Variants in EMC10 observed in about 807,000 individuals in gnomAD.
The protein encoded by EMC10 is ER membrane protein complex subunit 10, also known as UPF0510 protein INM02.
Under a neutral mutation model 32.2 loss-of-function variants are expected in EMC10, and 40 were observed. The observed-to-expected ratio is 1.24, with a 90% CI of 0.96 to 1.61. The LOEUF (loss-of-function observed/expected upper bound fraction) is 1.61. Ranked by LOEUF, EMC10 falls within the 40% of genes most tolerant of loss-of-function variation. The probability of loss-of-function intolerance (pLI) is 0.00; values close to 1 mark genes in which losing one functional copy is unlikely to be tolerated. For missense variants in EMC10, 402 were observed against 357.7 expected (o/e 1.12, Z -1.00); for synonymous variants, 178 against 158.4 (o/e 1.12, Z -0.93).
rs1002565223 is a variant in EMC10, at chr19:50,480,455, G to A, written c.403-126G>A. ...GGGGGCGGTTGAACTTGGGCCTGAG[G>A]GTAACAGGGAGCCATGGGAAGGTTT... On this transcript the variant is annotated intron_variant, in intron 4 of 6. Coordinates refer to ENST00000334976, the MANE Select transcript of EMC10 (RefSeq NM_206538.4). This position sits in a 1 kb window ranked among gnomAD's most constrained non-coding sequence, Gnocchi z 4.4. 9 of 1,215,602 alleles carry A rather than the reference G, an allele frequency of 7.4e-6. No individual in the cohort carries two copies. Among genetic ancestry groups the A allele is most frequent in the Non-Finnish European group, 8.0e-6 (7 of 875,760 alleles). 75.3% of individuals were successfully genotyped at this position (1,215,602 alleles called of 1,614,324 possible). A position where few individuals can be genotyped will look rare whatever the true frequency, so the allele number is the denominator to read the frequency against.
Position 50,480,828 on chromosome 19 carries a change from T to A in EMC10, c.585-56T>A. 1 of 1,564,206 alleles carries A rather than the reference T, an allele frequency of 6.4e-7. No individual in the cohort carries two copies. Among genetic ancestry groups the A allele is most frequent in the Non-Finnish European group, 8.7e-7 (1 of 1,151,380 alleles). On this transcript the variant is annotated intron_variant, in intron 5 of 6. Coordinates refer to ENST00000334976, the MANE Select transcript of EMC10 (RefSeq NM_206538.4). This position sits in a 1 kb window ranked among gnomAD's most constrained non-coding sequence, Gnocchi z 4.4. ...CCGGCCCTTCCTGGCGGCCTCAGGG[T>A]CTCCAGGTCCCTGGACTCCGGGCCT...
At position 50,480,953 on chromosome 19, in the gene EMC10, G is replaced by A. The variant is rs956585274; in HGVS notation, c.654G>A (p.Glu218=). The change falls in exon 6 of 7, where the codon GAG becomes GAA. Residue 218 remains glutamate, a synonymous_variant. Transcript: ENST00000334976. The surrounding 1 kb of genome is among the most constrained non-coding windows in gnomAD (Gnocchi z 4.4). Reference sequence around the variant, plus strand: ...CCCAGAAGGCCAAGAACCCCCAGGAGCAGAAGTCCTTCTTCGCCAAATACG... The same window carrying A: ...CCCAGAAGGCCAAGAACCCCCAGGAACAGAAGTCCTTCTTCGCCAAATACG... ...EQAQKAKNPQ[E]QKSFFAKYWM... The A allele has an allele frequency of 1.2e-6, 2 of 1,612,396 alleles. No homozygotes were observed. Among genetic ancestry groups the A allele is most frequent in the Non-Finnish European group, 1.7e-6 (2 of 1,178,866 alleles).
chr19:50,482,995 G>A lies in EMC10; in HGVS notation c.*736G>A, dbSNP rs940874964. 5.1e-6 allele frequency: 3 copies of A among 591,720 alleles called. No homozygotes were observed. The highest frequency in any genetic ancestry group is 1.9e-5 in the African/African-American group (1 of 53,930). 36.7% of individuals were successfully genotyped at this position (591,720 alleles called of 1,614,324 possible). ...CAACAGTTAGTGGAGTCAAAGCCCA[G>A]ACACTGTAAATAGAACCCCCTCCAC... On this transcript the variant is annotated 3_prime_UTR_variant, in exon 7 of 7. Coordinates refer to ENST00000334976, the MANE Select transcript of EMC10 (RefSeq NM_206538.4).
At position 50,483,164 on chromosome 19, in the gene EMC10, T is replaced by A. The variant is rs1305895739; in HGVS notation, c.*905T>A. 1 of 457,582 alleles carries A rather than the reference T, an allele frequency of 2.2e-6. No homozygotes were observed. Among genetic ancestry groups the A allele is most frequent in the Non-Finnish European group, 4.4e-6 (1 of 228,130 alleles). 28.3% of individuals were successfully genotyped at this position (457,582 alleles called of 1,614,324 possible). ...GTGAACGTTTTGAAAAGCTACAGCTTCCAGCAGCCAAAAGCAACTGTTGTT... is the reference window on the plus strand; with the variant it reads ...GTGAACGTTTTGAAAAGCTACAGCTACCAGCAGCCAAAAGCAACTGTTGTT... On this transcript the variant is annotated 3_prime_UTR_variant, in exon 7 of 7. Coordinates refer to ENST00000334976, the MANE Select transcript of EMC10 (RefSeq NM_206538.4).
chr19:50,480,570 T>TC lies in EMC10; in HGVS notation c.403-5dup. The TC allele has an allele frequency of 1.3e-6, 2 of 1,550,644 alleles. No individual in the cohort carries two copies. The highest frequency in any genetic ancestry group is 8.7e-7 in the Non-Finnish European group (1 of 1,147,090). On this transcript the variant is annotated splice_polypyrimidine_tract_variant and intron_variant, in intron 4 of 6. Coordinates refer to ENST00000334976, the MANE Select transcript of EMC10 (RefSeq NM_206538.4). The surrounding 1 kb of genome is among the most constrained non-coding windows in gnomAD (Gnocchi z 4.4). ...GGCTCCCCACCTCCACTGACCCCAC[T>TC]CCCCCCACAGTGCTCCCTGGTGGAG...
intron 6 of EMC10, chr19:50,481,664 G>A: frequency 1.7e-6 from 1 of 577,136 alleles, no homozygotes; most frequent in Non-Finnish European, 3.0e-6. Context: ...CTGCTGTGCT[G>A]AGTGCCCTGC....
At position 50,482,351 on chromosome 19, in the gene EMC10, T is replaced by A. The variant is rs750080149; in HGVS notation, c.*92T>A. ...TGTCCTCAGCCATCCCAAGAAGGGTTTGCTGGTCCCTCCTTTCCCCCCGTC... is the reference window on the plus strand; with the variant it reads ...TGTCCTCAGCCATCCCAAGAAGGGTATGCTGGTCCCTCCTTTCCCCCCGTC... On this transcript the variant is annotated 3_prime_UTR_variant, in exon 7 of 7. Coordinates refer to ENST00000334976, the MANE Select transcript of EMC10 (RefSeq NM_206538.4). 75 of 644,946 alleles carry A rather than the reference T, an allele frequency of 1.2e-4. 1 individual carries two copies. The highest frequency in any genetic ancestry group is 2.5e-4 in the Middle Eastern group (1 of 4,012). The allele number at this position is 644,946 out of a possible 1,614,324, so 40.0% of individuals were successfully genotyped here.
chr19:50,480,248 C>T lies in EMC10; in HGVS notation c.402+33C>T, dbSNP rs1239640863. 1 of 1,571,576 alleles carries T rather than the reference C, an allele frequency of 6.4e-7. No homozygotes were observed. The highest frequency in any genetic ancestry group is 2.3e-5 in the East Asian group (1 of 44,314). ...GGTGTCGGGGATGAGCCCCCTTCTC[C>T]CTCGTCCTCCTCATCCCCTACCCTG... On this transcript the variant is annotated intron_variant, in intron 4 of 6. Coordinates refer to ENST00000334976, the MANE Select transcript of EMC10 (RefSeq NM_206538.4). The surrounding 1 kb of genome is among the most constrained non-coding windows in gnomAD (Gnocchi z 4.4).
rs1261110159 is a variant in EMC10, at chr19:50,476,901, G to A, written c.114+243G>A. ...AAGGCTCTGGCTCGGGAATATGTAT[G>A]AGGGGGCGGGGCTGGGGGTGTGGAA... On this transcript the variant is annotated intron_variant, in intron 1 of 6. Transcript: ENST00000334976. 4 of 419,260 alleles carry A rather than the reference G, an allele frequency of 9.5e-6. No homozygotes were observed. The Admixed American group carries it at 1.2e-4, about 13-fold the overall frequency. The allele number at this position is 419,260 out of a possible 1,614,324, so 26.0% of individuals were successfully genotyped here.
At position 50,480,044 on chromosome 19, in the gene EMC10, T is replaced by C. The variant is rs2040291753; in HGVS notation, c.298-67T>C. 6 of 1,321,084 alleles carry C rather than the reference T, an allele frequency of 4.5e-6. No homozygotes were observed. In the East Asian group the frequency reaches 1.5e-4, roughly 33 times the overall value. 81.8% of individuals were successfully genotyped at this position (1,321,084 alleles called of 1,614,324 possible). ...GAGAGGGGCCTTCGCGGAGGCCTGG[T>C]GGGCATCACAGCCTGTCCAGGGCTG... On this transcript the variant is annotated intron_variant, in intron 3 of 6. Transcript: ENST00000334976. This position sits in a 1 kb window ranked among gnomAD's most constrained non-coding sequence, Gnocchi z 4.4.
chr19:50,486,779 G>A lies in EMC10; in HGVS notation c.*4520G>A, dbSNP rs945659003. Reference sequence around the variant, plus strand: ...CCCACCCATAGAATGACTTGAAAATGTGTGAAGTTCAGAAGTTTCATACCA... The same window carrying A: ...CCCACCCATAGAATGACTTGAAAATATGTGAAGTTCAGAAGTTTCATACCA... On this transcript the variant is annotated 3_prime_UTR_variant, in exon 7 of 7. Transcript: ENST00000334976. 3 of 152,178 alleles carry A rather than the reference G, an allele frequency of 2.0e-5. No individual in the cohort carries two copies. The highest frequency in any genetic ancestry group is 2.0e-4 in the Admixed American group (3 of 15,272). 9.4% of individuals were successfully genotyped at this position (152,178 alleles called of 1,614,324 possible).
In EMC10 at chr19:50,484,868, A is replaced by G. The variant is rs2040372540; in HGVS notation, c.*2609A>G. On this transcript the variant is annotated 3_prime_UTR_variant, in exon 7 of 7. Coordinates refer to ENST00000334976, the MANE Select transcript of EMC10 (RefSeq NM_206538.4). ...AAGATGCAGTGGAATCCACGTCCAG[A>G]AACTGTATGCTCACTCTGGGCTCCA... 6.6e-6 allele frequency: 1 copy of G among 152,156 alleles called. No individual in the cohort carries two copies. The highest frequency in any genetic ancestry group is 6.5e-5 in the Admixed American group (1 of 15,268). The allele number at this position is 152,156 out of a possible 1,614,324, so 9.4% of individuals were successfully genotyped here. A position where few individuals can be genotyped will look rare whatever the true frequency, so the allele number is the denominator to read the frequency against.
chr19:50,480,703 C>T lies in EMC10; in HGVS notation c.525C>T (p.Asp175=), dbSNP rs769815051. Residue 175 remains aspartate, a synonymous_variant, in exon 5 of 7, where the codon GAC becomes GAT. Coordinates refer to ENST00000334976, the MANE Select transcript of EMC10 (RefSeq NM_206538.4). The surrounding 1 kb of genome is among the most constrained non-coding windows in gnomAD (Gnocchi z 4.4). ...GCTGCCGGGGCCATGAGGTGGAGGA[C>T]GTGGACCTGGAGCTGTTCAACACCT... The part of the protein sequence containing the change: ...PGGCRGHEVE[D]VDLELFNTSV... 6.9e-6 allele frequency: 11 copies of T among 1,604,802 alleles called. No individual in the cohort carries two copies. The highest frequency in any genetic ancestry group is 5.1e-5 in the Admixed American group (3 of 59,040).
Position 50,482,780 on chromosome 19 carries a change from A to C in EMC10, c.*521A>C. On this transcript the variant is annotated 3_prime_UTR_variant, in exon 7 of 7. Coordinates refer to ENST00000334976, the MANE Select transcript of EMC10 (RefSeq NM_206538.4). ...TGAGGGTACCCTGGGTCCCCTCATCAGGGGCAGAGGCATGAAAGAGTCGGG... is the reference window on the plus strand; with the variant it reads ...TGAGGGTACCCTGGGTCCCCTCATCCGGGGCAGAGGCATGAAAGAGTCGGG... The C allele has an allele frequency of 2.0e-6, 1 of 492,378 alleles. No homozygotes were observed. Among genetic ancestry groups the C allele is most frequent in the Non-Finnish European group, 3.6e-6 (1 of 280,072 alleles). The allele number at this position is 492,378 out of a possible 1,614,324, so 30.5% of individuals were successfully genotyped here. A position where few individuals can be genotyped will look rare whatever the true frequency, so the allele number is the denominator to read the frequency against.
At chr19:50,477,480 T>A (rs1040502127) in intron 1 of EMC10, among the ~76,000 whole-genome samples, 3 of 152,284 alleles carry the variant, frequency 2.0e-5, no homozygotes, top group African/African-American at 2.4e-5. Context: ...TGCGTGAGTA[T>A]GCAAGTTTGG....
rs1164658183 is a variant in EMC10, at chr19:50,484,584, C to T, written c.*2325C>T. The T allele has an allele frequency of 6.6e-6, 1 of 152,258 alleles. No individual in the cohort carries two copies. Among genetic ancestry groups the T allele is most frequent in the Admixed American group, 6.5e-5 (1 of 15,286 alleles). 9.4% of individuals were successfully genotyped at this position (152,258 alleles called of 1,614,324 possible). On this transcript the variant is annotated 3_prime_UTR_variant, in exon 7 of 7. Coordinates refer to ENST00000334976, the MANE Select transcript of EMC10 (RefSeq NM_206538.4). Reference sequence around the variant, plus strand: ...AGCGTTCTGTTCTTATTAAACTTTTCTTCCCCGTCTGGCCGGTCCTTGGGG... The same window carrying T: ...AGCGTTCTGTTCTTATTAAACTTTTTTTCCCCGTCTGGCCGGTCCTTGGGG...
intron 3 of EMC10, among the ~76,000 whole-genome samples, chr19:50,479,873 C>G (rs1478035019): frequency 6.6e-6 from 1 of 152,222 alleles, no homozygotes; most frequent in East Asian, 1.9e-4. Context: ...GGGCTTTGCC[C>G]TCCTTGTGGT....
In EMC10 at chr19:50,486,343, C is replaced by T. The variant is rs1302689669; in HGVS notation, c.*4084C>T. 6.6e-6 allele frequency: 1 copy of T among 152,124 alleles called. No individual in the cohort carries two copies. Among genetic ancestry groups the T allele is most frequent in the Admixed American group, 6.5e-5 (1 of 15,272 alleles). 9.4% of individuals were successfully genotyped at this position (152,124 alleles called of 1,614,324 possible). A position where few individuals can be genotyped will look rare whatever the true frequency, so the allele number is the denominator to read the frequency against. ...TAGCTGGGATTACAACCGTGTGCCA[C>T]CACACCCAGCCAATTTTTGTATTTT... On this transcript the variant is annotated 3_prime_UTR_variant, in exon 7 of 7. Transcript: ENST00000334976.
chr19:50,481,769 C>G lies in EMC10; in HGVS notation c.679-380C>G, dbSNP rs200196256. On this transcript the variant is annotated intron_variant, in intron 6 of 6. Coordinates refer to ENST00000334976, the MANE Select transcript of EMC10 (RefSeq NM_206538.4). ...GAGCCCTTGCCTGCTGGGCCCTGCCCTGCTGCCCACTCGAGCGCCCTCCCA... is the reference window on the plus strand; with the variant it reads ...GAGCCCTTGCCTGCTGGGCCCTGCCGTGCTGCCCACTCGAGCGCCCTCCCA... The G allele has an allele frequency of 5.3e-5, 60 of 1,140,436 alleles. No individual in the cohort carries two copies. In the East Asian group the frequency reaches 1.4e-3, roughly 27 times the overall value. The allele number at this position is 1,140,436 out of a possible 1,614,324, so 70.6% of individuals were successfully genotyped here. A position where few individuals can be genotyped will look rare whatever the true frequency, so the allele number is the denominator to read the frequency against.
Sources: gnomAD v4.1 joint callset for allele counts (sites outside exome capture counted in the v4.1 genomes callset) on GRCh38, gnomAD v4.1.1 for gene constraint, Gnocchi (gnomAD v3.1) non-coding constraint, MANE v1.5 for transcripts, NCBI Gene and HGNC (gene_info 2026-07-23, HGNC 2026-07-21) for gene names.